Variants in ARHGEF7 observed in about 807,000 individuals in gnomAD.
ARHGEF7 encodes the protein PAK-interacting exchange factor beta.
In ARHGEF7, 33 loss-of-function variants were observed where a neutral mutation model predicts 109.8. The observed-to-expected ratio is 0.30, with a 90% confidence interval of 0.23 to 0.40. The LOEUF (loss-of-function observed/expected upper bound fraction) is 0.40, where lower values mean the gene tolerates loss of function less well. ARHGEF7 is among the 10% of genes least tolerant of loss of function. The pLI, the probability that ARHGEF7 is intolerant of heterozygous loss-of-function variation, is 1.00. For missense variants in ARHGEF7, 938 were observed against 1,098.5 expected, an observed-to-expected ratio of 0.85 and a Z score of 2.07; for synonymous variants, 458 against 424.6, an observed-to-expected ratio of 1.08 and a Z score of -0.97.
At position 111,133,291 on chromosome 13, in the gene ARHGEF7, T is replaced by C. The variant is rs144880992; in HGVS notation, c.165+17600T>C. Among the ~76,000 whole-genome samples the C allele has an allele frequency of 3.1e-4, 47 of 152,242 alleles. 1 individual carries two copies. The East Asian group carries it at 5.6e-3, about 18-fold the overall frequency. ...ATACACACCTCTATATGCACGTATC[T>C]ATAAACACATATGCCTATACACATG... On this transcript the variant is annotated intron_variant, in intron 1 of 21. Transcript: ENST00000646102.
chr13:111,270,698 T>G (rs1400748038), intron 9 of ARHGEF7, among the ~76,000 whole-genome samples: 1 of 152,200 alleles, frequency 6.6e-6, no homozygotes, highest in Non-Finnish European at 1.5e-5. Flanking sequence ...CCTGAATGGA[T>G]TTTTCCTTGA....
intron 1 of ARHGEF7, among the ~76,000 whole-genome samples, chr13:111,124,666 G>A (rs2067437818): frequency 6.6e-6 from 1 of 152,202 alleles, no homozygotes; most frequent in African/African-American, 2.4e-5. Flanking sequence ...CTACTGGGAT[G>A]GGACCTTCTA....
intron 19 of ARHGEF7, chr13:111,294,734 A>G: frequency 1.0e-6 from 1 of 985,492 alleles, no homozygotes; most frequent in Non-Finnish European, 1.2e-6. Flanking sequence ...TCATGCTGAT[A>G]ATAGAATCTT....
intron 2 of ARHGEF7, among the ~76,000 whole-genome samples, chr13:111,165,829 CAT>C (rs1023285927): frequency 2.0e-5 from 3 of 152,148 alleles, no homozygotes; most frequent in African/African-American, 7.2e-5. Flanking sequence ...TGTAAGTTCT[CAT>C]GAGACTCAAA....
chr13:111,242,475 T>C (rs2087955079), intron 6 of ARHGEF7, among the ~76,000 whole-genome samples: 1 of 152,220 alleles, frequency 6.6e-6, no homozygotes, highest in South Asian at 2.1e-4. Context: ...ACAATTTCTT[T>C]TGTATGAATA....
chr13:111,134,241 C>T (rs1208662604), intron 1 of ARHGEF7, among the ~76,000 whole-genome samples: 6 of 152,022 alleles, frequency 3.9e-5, no homozygotes, highest in Admixed American at 6.6e-5. Flanking sequence ...TGAGTAGTGC[C>T]GCAGTAAACA....
intron 1 of ARHGEF7, among the ~76,000 whole-genome samples, chr13:111,130,348 G>T (rs2074677759): frequency 6.6e-6 from 1 of 152,168 alleles, no homozygotes; most frequent in Admixed American, 6.5e-5. Flanking sequence ...GCATGTCAGT[G>T]ATACCTCAAT....
intron 1 of ARHGEF7, chr13:111,116,320 CT>C (rs1369256263): frequency 6.6e-6 from 1 of 152,652 alleles, no homozygotes; most frequent in African/African-American, 2.4e-5. Context: ...AGATTTCGTT[CT>C]CAGGTCCCTC....
chr13:111,250,173 T>TC (rs749766614), intron 8 of ARHGEF7, among the ~76,000 whole-genome samples: 61 of 152,312 alleles, frequency 4.0e-4, no homozygotes, highest in Non-Finnish European at 7.4e-4. Context: ...GGCTTTCAGT[T>TC]CAAAACAATA....
At chr13:111,192,232 A>G (rs150342350) in intron 2 of ARHGEF7, among the ~76,000 whole-genome samples, 11,016 of 152,148 alleles carry the variant, frequency 0.072, 446 homozygotes, top group South Asian at 0.2. Flanking sequence ...TGGTGAATCC[A>G]AGATTCCACT....
intron 1 of ARHGEF7, among the ~76,000 whole-genome samples, chr13:111,149,373 TAACTC>T (rs2075778764): frequency 6.6e-6 from 1 of 152,234 alleles, no homozygotes; most frequent in African/African-American, 2.4e-5. Flanking sequence ...ATAGTTGTGT[TAACTC>T]AGTTCAGAAA....
chr13:111,164,791 G>A (rs1566677506), intron 2 of ARHGEF7, among the ~76,000 whole-genome samples: 1 of 152,144 alleles, frequency 6.6e-6, no homozygotes, highest in Non-Finnish European at 1.5e-5. Flanking sequence ...AAGCGGAATC[G>A]GGATAAGAAT....
chr13:111,134,466 C>G (rs1249631398), intron 1 of ARHGEF7, among the ~76,000 whole-genome samples: 1 of 152,174 alleles, frequency 6.6e-6, no homozygotes, highest in African/African-American at 2.4e-5. Flanking sequence ...TGTTTCCTGA[C>G]TTTTTAATGA....
At chr13:111,236,381 C>G (rs2086834587) in intron 6 of ARHGEF7, among the ~76,000 whole-genome samples, 1 of 152,082 alleles carries the variant, frequency 6.6e-6, no homozygotes, top group South Asian at 2.1e-4. Context: ...TGTGTGTGGT[C>G]ACACTTTCTT....
chr13:111,222,533 G>A (rs1312459632), intron 5 of ARHGEF7, among the ~76,000 whole-genome samples: 2 of 152,188 alleles, frequency 1.3e-5, no homozygotes, highest in East Asian at 1.9e-4. Flanking sequence ...GGGTTCAAGC[G>A]ATTCTCCTGC....
At chr13:111,259,849 G>C (rs190372201) in intron 8 of ARHGEF7, among the ~76,000 whole-genome samples, 1 of 152,284 alleles carries the variant, frequency 6.6e-6, no homozygotes, top group Admixed American at 6.5e-5. Flanking sequence ...TAGCTATTTT[G>C]AGGAAACAAT....
Position 111,303,195 on chromosome 13 carries a change from GACCACA to G in ARHGEF7, c.*83_*88del. The G allele has an allele frequency of 1.6e-6, 1 of 611,380 alleles. No individual in the cohort carries two copies. The allele number at this position is 611,380 out of a possible 1,614,324, so 37.9% of individuals were successfully genotyped here. Reference sequence around the variant, plus strand: ...CTGACCCAAGTCGGGGTGCACTCAGGACCACAGGGCAGGGCTGGGTGGGGCGCCACC... The same window carrying G: ...CTGACCCAAGTCGGGGTGCACTCAGGGGGCAGGGCTGGGTGGGGCGCCACC... On this transcript the variant is annotated 3_prime_UTR_variant, in exon 22 of 22. Coordinates refer to ENST00000646102, the MANE Select transcript of ARHGEF7 (RefSeq NM_001354046.2).
chr13:111,248,519 G>A (rs2089271857), intron 8 of ARHGEF7, among the ~76,000 whole-genome samples: 1 of 152,068 alleles, frequency 6.6e-6, no homozygotes, highest in South Asian at 2.1e-4. Context: ...TAGACCTTTT[G>A]CTGGAGGTCC....
chr13:111,286,319 G>A, intron 17 of ARHGEF7, 79 bp downstream of exon 17: 2 of 1,195,358 alleles, frequency 1.7e-6, no homozygotes, highest in Non-Finnish European at 2.5e-6. Context: ...ATAGAGGGAG[G>A]CTTGGTGGCT....
Sources: gnomAD v4.1 joint callset for allele counts (sites outside exome capture counted in the v4.1 genomes callset) on GRCh38, gnomAD v4.1.1 for gene constraint, MANE v1.5 for transcripts, NCBI Gene and HGNC (gene_info 2026-07-23, HGNC 2026-07-21) for gene names.